NRG3: variants seen among roughly 807,000 people sequenced by gnomAD.
The protein encoded by NRG3 is pro-neuregulin-3, membrane-bound isoform.
Under a neutral mutation model 66.9 loss-of-function variants are expected in NRG3, and 31 were observed. The ratio of observed to expected loss-of-function variants is 0.46; its 90% CI spans 0.35 to 0.63. NRG3 has a LOEUF of 0.63. Ranked by LOEUF, NRG3 falls within the 20% of genes least tolerant of loss-of-function variation. The pLI is 0.00. For synonymous variants in NRG3, 393 were observed against 359.4 expected, an observed-to-expected ratio of 1.09 and a Z score of -1.06; for missense variants, 910 against 878.9, an observed-to-expected ratio of 1.04 and a Z score of -0.45.
At chr10:82,427,990 A>T (rs2089555477) in intron 2 of NRG3, among the ~76,000 whole-genome samples, 1 of 152,026 alleles carries the variant, frequency 6.6e-6, no homozygotes, top group South Asian at 2.1e-4. Context: ...TAATTTGCTA[A>T]CAACAGTTGT....
chr10:82,675,315 T>A (rs1486633635), intron 2 of NRG3, among the ~76,000 whole-genome samples: 1 of 151,984 alleles, frequency 6.6e-6, no homozygotes, highest in Non-Finnish European at 1.5e-5. Context: ...CAATGGTTGT[T>A]TGTTGCTGAT....
At chr10:82,972,483 G>T (rs1851861524) in intron 6 of NRG3, among the ~76,000 whole-genome samples, 1 of 151,976 alleles carries the variant, frequency 6.6e-6, no homozygotes, top group Non-Finnish European at 1.5e-5. Context: ...CTTCCTCCTG[G>T]ATTCATTTTT....
At chr10:82,231,435 T>G (rs1167292424) in intron 1 of NRG3, among the ~76,000 whole-genome samples, 1 of 151,576 alleles carries the variant, frequency 6.6e-6, no homozygotes, top group African/African-American at 2.4e-5. Flanking sequence ...TTCAGATTAT[T>G]AATAGTAACA....
At chr10:82,566,354 A>G (rs1048672348) in intron 2 of NRG3, among the ~76,000 whole-genome samples, 1 of 152,008 alleles carries the variant, frequency 6.6e-6, no homozygotes, top group Admixed American at 6.6e-5. Context: ...AATTTTCAGA[A>G]TCGAAGAAAA....
chr10:82,625,834 A>C (rs1196610654), intron 2 of NRG3, among the ~76,000 whole-genome samples: 1 of 152,196 alleles, frequency 6.6e-6, no homozygotes, highest in Non-Finnish European at 1.5e-5. Flanking sequence ...CTAGAGCAAC[A>C]ACTATGATGC....
rs542468155 is a variant in NRG3 at position 82,144,058 on chromosome 10, A to T, written c.824-214681A>T. Among the ~76,000 whole-genome samples the T allele has an allele frequency of 1.2e-3, 180 of 151,760 alleles. 1 individual carries two copies. Among genetic ancestry groups the T allele is most frequent in the Non-Finnish European group, 2.0e-3 (138 of 67,910 alleles). On this transcript the variant is annotated intron_variant, in intron 1 of 8. Coordinates refer to ENST00000372141, the MANE Select transcript of NRG3 (RefSeq NM_001010848.4). ...AAAAAAAAAAAGAAAAGAAAAAAAA[A>T]AGAAAAAAAAGAAAGGGCATTTACT...
intron 4 of NRG3, among the ~76,000 whole-genome samples, chr10:82,915,632 G>A (rs866167269): frequency 7.2e-6 from 1 of 139,724 alleles, no homozygotes; most frequent in South Asian, 2.3e-4. Context: ...GCACTTCAAA[G>A]TAAAAAAAAA....
chr10:82,469,832 A>G (rs1448496205), intron 2 of NRG3, among the ~76,000 whole-genome samples: 3 of 152,208 alleles, frequency 2.0e-5, no homozygotes, highest in Admixed American at 6.5e-5. Context: ...AATGGATATT[A>G]TCATTATTAT....
chr10:82,566,787 AT>A lies in NRG3; in HGVS notation c.954-171789del, dbSNP rs1237411327. On this transcript the variant is annotated intron_variant, in intron 2 of 8. Transcript: ENST00000372141. ...TTACCAAGTAGTAGATATTTAATCA[AT>A]AAAAAATTTTTCTAAATAAAAAAAT... Among the ~76,000 whole-genome samples the A allele has an allele frequency of 2.0e-5, 3 of 152,022 alleles. No individual in the cohort carries two copies. The East Asian group carries it at 5.8e-4, about 29-fold the overall frequency.
intron 1 of NRG3, among the ~76,000 whole-genome samples, chr10:82,062,031 G>T (rs565612583): frequency 6.6e-6 from 1 of 152,150 alleles, no homozygotes; most frequent in South Asian, 2.1e-4. Context: ...GATGACCAAA[G>T]AATAGCTATC....
intron 2 of NRG3, among the ~76,000 whole-genome samples, chr10:82,708,603 A>T (rs2056466067): frequency 6.6e-6 from 1 of 152,146 alleles, no homozygotes; most frequent in Admixed American, 6.6e-5. Flanking sequence ...ATCCCATCTG[A>T]TGCACTTTTT....
At chr10:82,028,639 C>T (rs2062424828) in intron 1 of NRG3, among the ~76,000 whole-genome samples, 1 of 152,004 alleles carries the variant, frequency 6.6e-6, no homozygotes, top group East Asian at 1.9e-4. Flanking sequence ...ACATTCTGCC[C>T]TCAGATCAGC....
intron 2 of NRG3, among the ~76,000 whole-genome samples, chr10:82,552,433 C>G (rs1407871591): frequency 6.6e-6 from 1 of 152,144 alleles, no homozygotes; most frequent in Middle Eastern, 3.4e-3. Flanking sequence ...AAAATTGTCT[C>G]TTATTTGAAG....
intron 2 of NRG3, among the ~76,000 whole-genome samples, chr10:82,725,077 G>A (rs2057522210): frequency 6.6e-6 from 1 of 152,102 alleles, no homozygotes; most frequent in Non-Finnish European, 1.5e-5. Flanking sequence ...GGTTATCATT[G>A]CCCTCTGTTA....
At chr10:82,909,312 A>C (rs1369605165) in intron 4 of NRG3, among the ~76,000 whole-genome samples, 2 of 152,218 alleles carry the variant, frequency 1.3e-5, no homozygotes, top group Non-Finnish European at 2.9e-5. Flanking sequence ...AGCAGTTCAC[A>C]CAGGCATTCT....
chr10:82,123,774 C>T (rs920715576), intron 1 of NRG3, among the ~76,000 whole-genome samples: 5 of 152,070 alleles, frequency 3.3e-5, no homozygotes, highest in South Asian at 2.1e-4. Context: ...ACAGTGGAAT[C>T]GTCTGGAAAA....
intron 2 of NRG3, among the ~76,000 whole-genome samples, chr10:82,710,586 C>CA (rs59857324): frequency 0.48 from 35,452 of 73,790 alleles, 9,958 homozygotes; most frequent in East Asian, 0.63. Context: ...GACTCCATCT[C>CA]AAAAAAAAAA....
intron 1 of NRG3, among the ~76,000 whole-genome samples, chr10:82,300,913 T>G (rs1236007987): frequency 6.6e-6 from 1 of 152,060 alleles, no homozygotes; most frequent in African/African-American, 2.4e-5. Context: ...GAAAGATTGC[T>G]TGACCCCAGG....
intron 3 of NRG3, among the ~76,000 whole-genome samples, chr10:82,835,544 G>A (rs1480514427): frequency 6.6e-6 from 1 of 151,974 alleles, no homozygotes; most frequent in Non-Finnish European, 1.5e-5. Flanking sequence ...TAAGCAATTT[G>A]TCCAGCATCA....
Sources: allele counts gnomAD v4.1 joint callset (sites outside exome capture counted in the v4.1 genomes callset), GRCh38; gene constraint gnomAD v4.1.1; transcripts MANE v1.5; gene names NCBI Gene and HGNC (gene_info 2026-07-23, HGNC 2026-07-21).